The following PREX2 variants were observed in gnomAD, a reference collection of about 807,000 sequenced individuals.
PREX2 encodes phosphatidylinositol 3,4,5-trisphosphate-dependent Rac exchanger 2 protein.
PREX2 carries 107 observed loss-of-function variants against 203.2 expected under a neutral mutation model. That is an observed-to-expected ratio of 0.53 (90% CI 0.45 to 0.62). PREX2 has a LOEUF of 0.62. Ranked by LOEUF, PREX2 falls within the 20% of genes least tolerant of loss-of-function variation. PREX2 has a pLI of 0.00. For missense variants in PREX2, 1,777 were observed against 1,955.9 expected (o/e 0.91, Z 1.72); for synonymous variants, 672 against 663.6 (o/e 1.01, Z -0.19).
chr8:68,217,635 C>G lies in PREX2; in HGVS notation c.4624C>G (p.Leu1542Val). 6.2e-7 allele frequency: 1 copy of G among 1,614,096 alleles called. No individual in the cohort carries two copies. The highest frequency in any genetic ancestry group is 8.5e-7 in the Non-Finnish European group (1 of 1,179,980). Residue 1542 changes from leucine (L) to valine (V), a missense_variant, in exon 38 of 40, where the codon CTG (leucine) becomes GTG (valine). Transcript: ENST00000288368. Reference protein sequence around the residue: ...GVHRCTLSVTLEQAIILARSH... With the variant: ...GVHRCTLSVTVEQAIILARSH... ...CCACAGGTGCACCCTGAGCGTGACG[C>G]TGGAGCAAGCCATCATTCTGGCCAG...
chr8:68,214,787 T>C (rs544523768), intron 37 of PREX2, among the ~76,000 whole-genome samples: 1 of 152,306 alleles, frequency 6.6e-6, no homozygotes, highest in East Asian at 1.9e-4. Flanking sequence ...TCTGTGATGC[T>C]GTGAGTGGAA....
At chr8:67,980,480 A>G (rs1806236623) in intron 1 of PREX2, among the ~76,000 whole-genome samples, 1 of 152,220 alleles carries the variant, frequency 6.6e-6, no homozygotes, top group Non-Finnish European at 1.5e-5. Flanking sequence ...TGTTCTCAGA[A>G]CAAAAAGTAG....
intron 11 of PREX2, among the ~76,000 whole-genome samples, chr8:68,064,232 G>A (rs904594419): frequency 6.6e-6 from 1 of 152,112 alleles, no homozygotes. Flanking sequence ...TGCTGAAGTT[G>A]GCTCATACAA....
chr8:68,077,314 G>C (rs1418082342), intron 14 of PREX2, 83 bp from the exon 15 acceptor site: 3 of 916,304 alleles, frequency 3.3e-6, no homozygotes, highest in African/African-American at 3.2e-5. Context: ...TCTGAATTTG[G>C]TGCTGGGAAT....
chr8:67,961,920 G>A (rs72660814), intron 1 of PREX2, among the ~76,000 whole-genome samples: 2,120 of 152,280 alleles, frequency 0.014, 18 homozygotes, highest in Non-Finnish European at 0.021. Flanking sequence ...TAAAAGGCAA[G>A]CCCTTCATTT....
chr8:68,121,757 A>T (rs1193919715), intron 30 of PREX2, among the ~76,000 whole-genome samples: 1 of 152,156 alleles, frequency 6.6e-6, no homozygotes, highest in Non-Finnish European at 1.5e-5. Context: ...GGTTGGCAAC[A>T]TCTGGAGGTA....
chr8:68,106,237 G>T, intron 23 of PREX2: 1 of 475,260 alleles, frequency 2.1e-6, no homozygotes, highest in South Asian at 1.6e-5. Context: ...TTTGTGCCAT[G>T]GGTGCCTTGT....
intron 24 of PREX2, chr8:68,109,087 A>C (rs772773373): frequency 2.3e-6 from 1 of 437,044 alleles, no homozygotes; most frequent in Non-Finnish European, 4.4e-6. Flanking sequence ...CAAAGGATAT[A>C]AAATTTCAAT....
intron 34 of PREX2, among the ~76,000 whole-genome samples, chr8:68,147,443 A>C (rs1366856837): frequency 6.6e-6 from 1 of 152,154 alleles, no homozygotes; most frequent in Non-Finnish European, 1.5e-5. Flanking sequence ...TTCTTGTGAT[A>C]GTGAATAAGT....
intron 39 of PREX2, among the ~76,000 whole-genome samples, chr8:68,228,663 G>A (rs1813099940): frequency 6.6e-6 from 1 of 152,038 alleles, no homozygotes. Context: ...CTACTCGGGA[G>A]GCTGAGACAG....
chr8:67,975,072 A>G (rs1806034894), intron 1 of PREX2, among the ~76,000 whole-genome samples: 1 of 152,066 alleles, frequency 6.6e-6, no homozygotes, highest in Non-Finnish European at 1.5e-5. Flanking sequence ...CTTCTTCTCA[A>G]GCCTTCCTGC....
At chr8:68,066,705 C>T (rs1809025002) in intron 11 of PREX2, among the ~76,000 whole-genome samples, 1 of 152,042 alleles carries the variant, frequency 6.6e-6, no homozygotes, top group African/African-American at 2.4e-5. Flanking sequence ...GCTGTGCATA[C>T]ACTTTTTAGT....
At chr8:68,060,619 A>T in intron 10 of PREX2, 60 bp from the exon 11 acceptor site, 2 of 1,139,920 alleles carry the variant, frequency 1.8e-6, no homozygotes, top group Non-Finnish European at 1.3e-6. Flanking sequence ...TGGATGGTAT[A>T]GAAAGACTTG....
At chr8:68,103,971 C>T (rs192003767) in intron 23 of PREX2, among the ~76,000 whole-genome samples, 14 of 152,316 alleles carry the variant, frequency 9.2e-5, no homozygotes, top group African/African-American at 2.9e-4. Context: ...ATCCATATCT[C>T]ACGCTTCACA....
intron 1 of PREX2, among the ~76,000 whole-genome samples, chr8:68,013,756 G>C (rs1437467229): frequency 6.6e-6 from 1 of 151,478 alleles, no homozygotes; most frequent in East Asian, 1.9e-4. Flanking sequence ...TTCCTATTTT[G>C]CCTTTATATA....
chr8:68,187,686 T>G (rs947228984), intron 35 of PREX2, among the ~76,000 whole-genome samples: 3 of 152,220 alleles, frequency 2.0e-5, no homozygotes, highest in African/African-American at 7.2e-5. Context: ...TGAAGACATC[T>G]GATCGAGGTA....
chr8:68,191,302 C>CTGATAAGCTTATG (rs1812288004), intron 35 of PREX2, among the ~76,000 whole-genome samples: 1 of 152,108 alleles, frequency 6.6e-6, no homozygotes, highest in Non-Finnish European at 1.5e-5. Flanking sequence ...GGATAACGTT[C>CTGATAAGCTTATG]TTCAATAGTC....
At position 67,952,205 on chromosome 8, in the gene PREX2, C is replaced by T. The variant is rs1805359715; in HGVS notation, c.-190C>T. On this transcript the variant is annotated 5_prime_UTR_variant, in exon 1 of 40. Transcript: ENST00000288368. The stretch of plus-strand genomic sequence containing the variant: ...CTGCAGAGCCCCGCGCCCCCCGCGC[C>T]GGGATTTCAGCCCGATCCCCTCCTC... 2 of 440,814 alleles carry T rather than the reference C, an allele frequency of 4.5e-6. No individual in the cohort carries two copies. The highest frequency in any genetic ancestry group is 2.1e-5 in the African/African-American group (1 of 48,120). The allele number at this position is 440,814 out of a possible 1,614,324, so 27.3% of individuals were successfully genotyped here.
chr8:68,214,918 T>G (rs1404597), intron 37 of PREX2, among the ~76,000 whole-genome samples: 67,606 of 151,994 alleles, frequency 0.44, 17,080 homozygotes, highest in African/African-American at 0.68. Context: ...TTAATTTTGA[T>G]TCCTAATTGG....
Sources: allele counts gnomAD v4.1 joint callset (sites outside exome capture counted in the v4.1 genomes callset), GRCh38; gene constraint gnomAD v4.1.1; transcripts MANE v1.5; gene names NCBI Gene and HGNC (gene_info 2026-07-23, HGNC 2026-07-21).